The following FREM1 variants were observed in gnomAD, a reference collection of about 807,000 sequenced individuals.
FREM1 encodes the protein FRAS1 related extracellular matrix 1.
Under a neutral mutation model 210.1 loss-of-function variants are expected in FREM1, and 220 were observed. The ratio of observed to expected loss-of-function variants is 1.05; its 90% CI spans 0.94 to 1.17. The LOEUF (loss-of-function observed/expected upper bound fraction) is 1.17, where lower values mean the gene tolerates loss of function less well. Among genes scored for constraint, FREM1 ranks in the 50% most tolerant of loss-of-function variants. FREM1 has a pLI of 0.00. For synonymous variants in FREM1, 1,189 were observed against 980.2 expected, an observed-to-expected ratio of 1.21 and a Z score of -3.98; for missense variants, 3,454 against 2,675.5, an observed-to-expected ratio of 1.29 and a Z score of -6.42.
At chr9:14,839,931 A>C (rs1825345677) in intron 10 of FREM1, among the ~76,000 whole-genome samples, 1 of 152,234 alleles carries the variant, frequency 6.6e-6, no homozygotes, top group Admixed American at 6.5e-5. Context: ...TAGAAATGAC[A>C]TATAATACAT....
chr9:14,819,592 A>G, intron 13 of FREM1, 150 bp from the exon 14 acceptor site: 1 of 561,368 alleles, frequency 1.8e-6, no homozygotes, highest in Non-Finnish European at 3.1e-6. Context: ...TCATAGCTAG[A>G]CATTTTGACT....
At chr9:14,777,109 T>C (rs986097672) in intron 24 of FREM1, among the ~76,000 whole-genome samples, 3 of 152,202 alleles carry the variant, frequency 2.0e-5, no homozygotes, top group Non-Finnish European at 4.4e-5. Flanking sequence ...ACAAAAGAGT[T>C]GTGGTGCCTG....
At chr9:14,776,936 C>T (rs1390678976) in intron 24 of FREM1, among the ~76,000 whole-genome samples, 1 of 152,172 alleles carries the variant, frequency 6.6e-6, no homozygotes, top group Admixed American at 6.5e-5. Context: ...GAGAGTTATG[C>T]TACACAAGGA....
At chr9:14,746,492 A>T (rs1287547115) in intron 34 of FREM1, 24 bp from the exon 35 acceptor site, 1 of 1,562,692 alleles carries the variant, frequency 6.4e-7, no homozygotes, top group African/African-American at 1.4e-5. Flanking sequence ...GTCTGTGTTC[A>T]TATCATAATG....
At chr9:14,758,793 T>G (rs753592954) in intron 28 of FREM1, among the ~76,000 whole-genome samples, 1 of 152,266 alleles carries the variant, frequency 6.6e-6, no homozygotes, top group African/African-American at 2.4e-5. Context: ...AAAAAAATTC[T>G]TCAATTCTAG....
Position 14,861,210 on chromosome 9 carries a change from T to TACATATATAC in FREM1, c.330-1736_330-1727dup, listed in dbSNP as rs754819352. Among the ~76,000 whole-genome samples the TACATATATAC allele has an allele frequency of 1.9e-3, 154 of 79,830 alleles. 4 individuals are homozygous for TACATATATAC. The highest frequency in any genetic ancestry group is 7.7e-3 in the Middle Eastern group (1 of 130). 52.4% of individuals were successfully genotyped at this position (79,830 alleles called of 152,430 possible). A position where few individuals can be genotyped will look rare whatever the true frequency, so the allele number is the denominator to read the frequency against. On this transcript the variant is annotated intron_variant, in intron 3 of 36. Coordinates refer to ENST00000380880, the MANE Select transcript of FREM1 (RefSeq NM_001379081.2). ...ACATATATACATATATACACACATA[T>TACATATATAC]ACATATATACACATATATACACATA...
rs1842584754 is a variant in FREM1, at chr9:14,747,059, A to T, written c.6010-8T>A. On this transcript the variant is annotated splice_polypyrimidine_tract_variant and splice_region_variant and intron_variant, in intron 33 of 36. Coordinates refer to ENST00000380880, the MANE Select transcript of FREM1 (RefSeq NM_001379081.2). ...AAATGAGGGCAACTGGTCCTTTGGGAAGGAAAGGCAATTTAGCAATTTAGA... is the reference window on the plus strand; with the variant it reads ...AAATGAGGGCAACTGGTCCTTTGGGTAGGAAAGGCAATTTAGCAATTTAGA... 1 of 1,612,896 alleles carries T rather than the reference A, an allele frequency of 6.2e-7. No homozygotes were observed. The highest frequency in any genetic ancestry group is 1.3e-5 in the African/African-American group (1 of 74,910).
chr9:14,861,088 CATAT>C lies in FREM1; in HGVS notation c.330-1608_330-1605del, dbSNP rs749983672. Among the ~76,000 whole-genome samples, 5 of 85,938 alleles carry C rather than the reference CATAT, an allele frequency of 5.8e-5. No homozygotes were observed. In the South Asian group the frequency reaches 1.3e-3, roughly 23 times the overall value. The allele number at this position is 85,938 out of a possible 152,430, so 56.4% of individuals were successfully genotyped here. A position where few individuals can be genotyped will look rare whatever the true frequency, so the allele number is the denominator to read the frequency against. ...ACATATACATATATACATATATACA[CATAT>C]ATATAAACATATATACACATATATA... On this transcript the variant is annotated intron_variant, in intron 3 of 36. Transcript: ENST00000380880.
intron 15 of FREM1, among the ~76,000 whole-genome samples, chr9:14,815,323 A>G (rs1055314890): frequency 6.6e-5 from 10 of 152,198 alleles, no homozygotes; most frequent in African/African-American, 2.4e-4. Flanking sequence ...ATCCTTAGCT[A>G]TAAAATGGGG....
intron 10 of FREM1, among the ~76,000 whole-genome samples, chr9:14,829,200 C>T (rs1237965356): frequency 6.6e-6 from 1 of 152,138 alleles, no homozygotes; most frequent in East Asian, 1.9e-4. Context: ...CTTAAAACTA[C>T]ACTTACAGGT....
rs181282545 is a variant in FREM1 at position 14,787,048 on chromosome 9, T to A, written c.4177+1871A>T. On this transcript the variant is annotated intron_variant, in intron 23 of 36. Coordinates refer to ENST00000380880, the MANE Select transcript of FREM1 (RefSeq NM_001379081.2). The stretch of plus-strand genomic sequence containing the variant: ...TGTCCTCCTAAACTTATCTGAAAGA[T>A]CTCAACATCATTTCTGCCACTGTGC... Among the ~76,000 whole-genome samples, 5 of 152,246 alleles carry A rather than the reference T, an allele frequency of 3.3e-5. No homozygotes were observed. The East Asian group carries it at 9.6e-4, about 29-fold the overall frequency.
At chr9:14,880,190 G>A (rs1834536649) in intron 1 of FREM1, among the ~76,000 whole-genome samples, 2 of 152,104 alleles carry the variant, frequency 1.3e-5, no homozygotes, top group African/African-American at 4.8e-5. Context: ...TCAGAACTGT[G>A]AGGAATAAAG....
At chr9:14,878,547 C>T (rs1455801672) in intron 1 of FREM1, among the ~76,000 whole-genome samples, 6 of 152,134 alleles carry the variant, frequency 3.9e-5, no homozygotes, top group East Asian at 1.9e-4. Flanking sequence ...GCTTTCTAAC[C>T]ACCTAATATA....
intron 10 of FREM1, among the ~76,000 whole-genome samples, chr9:14,840,592 C>A (rs149344241): frequency 0.012 from 1,834 of 152,298 alleles, 47 homozygotes; most frequent in African/African-American, 0.042. Context: ...GAAAAACCCA[C>A]CCCCATGATT....
Position 14,842,429 on chromosome 9 carries a change from C to T in FREM1, c.1625G>A (p.Gly542Glu). 1 of 1,613,960 alleles carries T rather than the reference C, an allele frequency of 6.2e-7. No homozygotes were observed. Reference sequence around the variant, plus strand: ...CACATCTGAAGCTCGCAGCATGGATCCCTGGATCAGGATGGTCTGCCCCTC... The same window carrying T: ...CACATCTGAAGCTCGCAGCATGGATTCCTGGATCAGGATGGTCTGCCCCTC... The part of the protein sequence containing the change: ...LEEGQTILIQ[G>E]SMLRASDVDA... The change falls in exon 9 of 37, where the codon GGA becomes GAA. Residue 542 changes from glycine to glutamate, a missense_variant. Physicochemically the swap from Gly to Glu is moderately conservative, Grantham distance 98. Transcript: ENST00000380880.
rs1554707685 is a variant in FREM1 at position 14,860,862 on chromosome 9, C to CATATATAA, written c.330-1379_330-1378insTTATATAT. The stretch of plus-strand genomic sequence containing the variant: ...ATATATACATATATACGTATATATA[C>CATATATAA]ACATATATATACGTATATATACACA... On this transcript the variant is annotated intron_variant, in intron 3 of 36. Transcript: ENST00000380880. 4.0e-5 allele frequency among the ~76,000 whole-genome samples: 2 copies of CATATATAA among 50,204 alleles called. 1 individual carries two copies. The highest frequency in any genetic ancestry group is 1.4e-3 in the East Asian group (2 of 1,418). 32.9% of individuals were successfully genotyped at this position (50,204 alleles called of 152,430 possible).
intron 1 of FREM1, among the ~76,000 whole-genome samples, chr9:14,874,401 G>T (rs1325081534): frequency 6.6e-6 from 1 of 150,384 alleles, no homozygotes; most frequent in African/African-American, 2.5e-5. Context: ...TTGTTGAATT[G>T]ATCCCTTTAC....
In FREM1 at chr9:14,851,622, A is replaced by G; in HGVS notation, c.829-15T>C. 6.4e-7 allele frequency: 1 copy of G among 1,566,182 alleles called. No homozygotes were observed. Among genetic ancestry groups the G allele is most frequent in the East Asian group, 2.2e-5 (1 of 44,616 alleles). On this transcript the variant is annotated splice_polypyrimidine_tract_variant and intron_variant, in intron 5 of 36. Transcript: ENST00000380880. ...GCACTCTCTGACTTTTGAAGGATAG[A>G]GAAAATATAAAGGAGGAAATAATAT...
chr9:14,894,171 T>C (rs1006171192), intron 1 of FREM1, among the ~76,000 whole-genome samples: 1 of 152,254 alleles, frequency 6.6e-6, no homozygotes, highest in Admixed American at 6.5e-5. Context: ...TAAAACAATG[T>C]TGGCTTTCTT....
Sources: gnomAD v4.1 joint callset for allele counts (sites outside exome capture counted in the v4.1 genomes callset) on GRCh38, gnomAD v4.1.1 for gene constraint, MANE v1.5 for transcripts, NCBI Gene and HGNC (gene_info 2026-07-23, HGNC 2026-07-21) for gene names.